COL27A1: variants seen among roughly 807,000 people sequenced by gnomAD.
COL27A1 encodes the protein collagen alpha-1(XXVII) chain.
In COL27A1, 106 loss-of-function variants were observed where a neutral mutation model predicts 251.3. That is an observed-to-expected ratio of 0.42 (90% CI 0.36 to 0.50). COL27A1 has a LOEUF of 0.50. COL27A1 is among the 20% of genes least tolerant of loss of function. The probability of loss-of-function intolerance (pLI) is 0.00; values close to 1 mark genes in which losing one functional copy is unlikely to be tolerated. For missense variants in COL27A1, 2,325 were observed against 2,522.8 expected (o/e 0.92, Z 1.68); for synonymous variants, 1,000 against 986.3 (o/e 1.01, Z -0.26).
At chr9:114,264,890 C>T (rs766478515) in intron 29 of COL27A1, 34 bp from the exon 30 acceptor site, 28 of 1,599,728 alleles carry the variant, frequency 1.8e-5, no homozygotes, top group Non-Finnish European at 2.3e-5. Flanking sequence ...TCCCAAGCAC[C>T]CTCTCCCACC....
chr9:114,180,736 C>T (rs531227352), intron 4 of COL27A1, among the ~76,000 whole-genome samples: 1 of 152,206 alleles, frequency 6.6e-6, no homozygotes, highest in Non-Finnish European at 1.5e-5. Flanking sequence ...GAGCCTCCCC[C>T]ACCTGGCTTT....
rs1372418992 is a variant in COL27A1 at position 114,165,681 on chromosome 9, C to CA, written c.134-2007dup. Among the ~76,000 whole-genome samples, 987 of 144,610 alleles carry CA rather than the reference C, an allele frequency of 6.8e-3. 11 individuals carry two copies. The highest frequency in any genetic ancestry group is 0.025 in the African/African-American group (955 of 38,538). The allele number at this position is 144,610 out of a possible 152,430, so 94.9% of individuals were successfully genotyped here. ...CCATCCATCCATCCATCCATCCATC[C>CA]ATCTACCCTTTCATCCACCCATCCA... is the stretch of plus-strand genomic sequence containing the variant. On this transcript the variant is annotated intron_variant, in intron 2 of 60. Coordinates refer to ENST00000356083, the MANE Select transcript of COL27A1 (RefSeq NM_032888.4).
intron 28 of COL27A1, among the ~76,000 whole-genome samples, chr9:114,260,577 G>A (rs1834248389): frequency 6.6e-6 from 1 of 152,202 alleles, no homozygotes; most frequent in Non-Finnish European, 1.5e-5. Flanking sequence ...GAAAGGCCTT[G>A]CCTGCTTTCC....
chr9:114,210,851 G>A (rs991199998), intron 11 of COL27A1, 131 bp from the exon 12 acceptor site: 25 of 841,756 alleles, frequency 3.0e-5, no homozygotes, highest in Non-Finnish European at 3.9e-5. Flanking sequence ...CACTGGGGCC[G>A]CCACGCAAGT....
intron 7 of COL27A1, among the ~76,000 whole-genome samples, chr9:114,198,562 A>C (rs1443715834): frequency 6.6e-6 from 1 of 152,180 alleles, no homozygotes; most frequent in Non-Finnish European, 1.5e-5. Flanking sequence ...TAATGGAAAT[A>C]CCTTCCATGG....
chr9:114,166,368 A>AATCCATCCATCC (rs377695234), intron 2 of COL27A1, among the ~76,000 whole-genome samples: 4 of 37,082 alleles, frequency 1.1e-4, no homozygotes, highest in Non-Finnish European at 2.7e-4. Flanking sequence ...TCCATCCATC[A>AATCCATCCATCC]ATCCATCCAT....
intron 7 of COL27A1, among the ~76,000 whole-genome samples, chr9:114,202,386 C>A (rs755590838): frequency 1.3e-5 from 2 of 152,150 alleles, no homozygotes; most frequent in Non-Finnish European, 2.9e-5. Context: ...AGGTAGAATA[C>A]GGCAGAGTGA....
At chr9:114,296,630 A>G (rs190457817) in intron 49 of COL27A1, among the ~76,000 whole-genome samples, 3 of 152,246 alleles carry the variant, frequency 2.0e-5, no homozygotes, top group Admixed American at 2.0e-4. Context: ...TACAATCACT[A>G]TGGAATCAGT....
At chr9:114,281,692 GTCA>G (rs1363825255) in intron 37 of COL27A1, among the ~76,000 whole-genome samples, 1 of 152,224 alleles carries the variant, frequency 6.6e-6, no homozygotes. Context: ...GCCACCTCAT[GTCA>G]TCAGTGGGGA....
intron 7 of COL27A1, among the ~76,000 whole-genome samples, chr9:114,204,782 A>G (rs1829831120): frequency 6.6e-6 from 1 of 152,100 alleles, no homozygotes; most frequent in Non-Finnish European, 1.5e-5. Flanking sequence ...CTCTTGATTC[A>G]GAAGGAATGG....
At chr9:114,307,360 A>G (rs1829127342) in intron 58 of COL27A1, 1 of 301,214 alleles carries the variant, frequency 3.3e-6, no homozygotes, top group African/African-American at 2.2e-5. Context: ...TGATCCCCCA[A>G]ACCCTTGTGC....
At position 114,301,459 on chromosome 9, in the gene COL27A1, G is replaced by A. The variant is rs147409979; in HGVS notation, c.4806G>A (p.Pro1602=). 17 of 1,610,798 alleles carry A rather than the reference G, an allele frequency of 1.1e-5. No homozygotes were observed. The highest frequency in any genetic ancestry group is 3.3e-5 in the Admixed American group (2 of 59,788). Residue 1602 remains proline (P), a synonymous_variant, in exon 54 of 61, where the codon CCG becomes CCA. Coordinates refer to ENST00000356083, the MANE Select transcript of COL27A1 (RefSeq NM_032888.4). The part of the protein sequence containing the change: ...GSRGDWGLQG[P]RGPPGPRGRP... Reference sequence around the variant, plus strand: ...TCTCCCTCCAGGGATTGCAAGGTCCGAGGGTGAGTGGGCTGGGCATGAGGG... The same window carrying A: ...TCTCCCTCCAGGGATTGCAAGGTCCAAGGGTGAGTGGGCTGGGCATGAGGG...
At chr9:114,194,141 G>A (rs773577486) in intron 5 of COL27A1, among the ~76,000 whole-genome samples, 2 of 152,190 alleles carry the variant, frequency 1.3e-5, no homozygotes, top group Non-Finnish European at 2.9e-5. Context: ...TAGATAGGGT[G>A]CCTGGGACTG....
intron 56 of COL27A1, among the ~76,000 whole-genome samples, chr9:114,304,371 C>T (rs1186762092): frequency 6.6e-6 from 1 of 152,188 alleles, no homozygotes; most frequent in Admixed American, 6.5e-5. Context: ...GGTCTTATAA[C>T]CATGTTGAGG....
In COL27A1 at chr9:114,289,303, G is replaced by A. The variant is rs371400984; in HGVS notation, c.4206+8G>A. ...GGATCGAAAGGCGCAGAGGTAAGAG[G>A]GCCGGGGGTTCAGCAGGGAGACTGA... On this transcript the variant is annotated splice_region_variant and intron_variant, in intron 45 of 60. Transcript: ENST00000356083. 58 of 1,580,036 alleles carry A rather than the reference G, an allele frequency of 3.7e-5. No individual in the cohort carries two copies. The African/African-American group carries it at 7.5e-4, about 20-fold the overall frequency.
intron 16 of COL27A1, among the ~76,000 whole-genome samples, chr9:114,232,713 T>C (rs1167338835): frequency 6.6e-6 from 1 of 152,196 alleles, no homozygotes; most frequent in African/African-American, 2.4e-5. Flanking sequence ...TCAGGTGCCA[T>C]GCTGGGCGCC....
Position 114,167,814 on chromosome 9 carries a change from G to A in COL27A1, c.259G>A (p.Gly87Ser). The change falls in exon 3 of 61, where the codon GGC becomes AGC. Residue 87 changes from glycine (G) to serine (S), a missense_variant. By Grantham distance (56) the Gly-to-Ser change is moderately conservative. Transcript: ENST00000356083. ...TQRARLQAPT[G>S]TVIPAALGTE... ...GCGGGCCCGGCTCCAGGCTCCCACG[G>A]GCACCGTCATTCCTGCCGCCTTGGG... is the stretch of plus-strand genomic sequence containing the variant. The A allele has an allele frequency of 6.2e-7, 1 of 1,613,468 alleles. No individual in the cohort carries two copies. Among genetic ancestry groups the A allele is most frequent in the Non-Finnish European group, 8.5e-7 (1 of 1,179,958 alleles).
At position 114,244,728 on chromosome 9, in the gene COL27A1, A is replaced by G. The variant is rs16927558; in HGVS notation, c.2935-1138A>G. ...AGTAAGCCACATCCATGTATGCGCC[A>G]AACTACTGGCTAGCCCGAGCCCATG... On this transcript the variant is annotated intron_variant, in intron 23 of 60. Transcript: ENST00000356083. Among the ~76,000 whole-genome samples, 598 of 152,328 alleles carry G rather than the reference A, an allele frequency of 3.9e-3. 2 individuals are homozygous for G. Among genetic ancestry groups the G allele is most frequent in the African/African-American group, 0.014 (565 of 41,584 alleles).
chr9:114,291,578 G>C (rs1004639662), intron 48 of COL27A1, among the ~76,000 whole-genome samples: 2 of 152,048 alleles, frequency 1.3e-5, no homozygotes, highest in Non-Finnish European at 1.5e-5. Context: ...GGGAAACCCC[G>C]TCTCTACTAA....
Sources: gnomAD v4.1 joint callset for allele counts (sites outside exome capture counted in the v4.1 genomes callset) on GRCh38, gnomAD v4.1.1 for gene constraint, MANE v1.5 for transcripts, NCBI Gene and HGNC (gene_info 2026-07-23, HGNC 2026-07-21) for gene names.